The following TMEM86A variants were observed in gnomAD, a reference collection of about 807,000 sequenced individuals.
TMEM86A encodes the protein transmembrane protein 86A.
TMEM86A carries 13 observed loss-of-function variants against 19.8 expected under a neutral mutation model. That is an observed-to-expected ratio of 0.66 (90% CI 0.43 to 1.04). The LOEUF is 1.04. Ranked by LOEUF, TMEM86A falls within the 50% of genes least tolerant of loss-of-function variation. TMEM86A has a pLI of 0.00. For synonymous variants in TMEM86A, 128 were observed against 129.9 expected, an observed-to-expected ratio of 0.99 and a Z score of 0.10; for missense variants, 248 against 306.8, an observed-to-expected ratio of 0.81 and a Z score of 1.43.
chr11:18,698,925 C>A lies in TMEM86A; in HGVS notation c.21+18C>A. On this transcript the variant is annotated intron_variant, in intron 1 of 2. Coordinates refer to ENST00000280734, the MANE Select transcript of TMEM86A (RefSeq NM_153347.3). ...TCACTGTGGTGAGTGAGCGAGCGAG[C>A]GAGCCAGTGCCCGGCGCGGCTGGAG... is the stretch of plus-strand genomic sequence containing the variant. The A allele has an allele frequency of 1.6e-6, 1 of 618,688 alleles. No individual in the cohort carries two copies. The highest frequency in any genetic ancestry group is 2.9e-6 in the Non-Finnish European group (1 of 346,674). 38.3% of individuals were successfully genotyped at this position (618,688 alleles called of 1,614,324 possible). A position where few individuals can be genotyped will look rare whatever the true frequency, so the allele number is the denominator to read the frequency against.
Position 18,698,786 on chromosome 11 carries a change from G to T in TMEM86A, c.-101G>T. 1.6e-6 allele frequency: 1 copy of T among 637,120 alleles called. No homozygotes were observed. Among genetic ancestry groups the T allele is most frequent in the East Asian group, 3.4e-5 (1 of 29,810 alleles). 39.5% of individuals were successfully genotyped at this position (637,120 alleles called of 1,614,324 possible). A position where few individuals can be genotyped will look rare whatever the true frequency, so the allele number is the denominator to read the frequency against. On this transcript the variant is annotated 5_prime_UTR_variant, in exon 1 of 3. Coordinates refer to ENST00000280734, the MANE Select transcript of TMEM86A (RefSeq NM_153347.3). Reference sequence around the variant, plus strand: ...GCCGGGCGCTCGGGAGGTATTGTCCGTCCCTCCGGGCTTTGTAGAATCGTC... The same window carrying T: ...GCCGGGCGCTCGGGAGGTATTGTCCTTCCCTCCGGGCTTTGTAGAATCGTC...
At position 18,703,748 on chromosome 11, in the gene TMEM86A, CAG is replaced by C. The variant is rs1848172501; in HGVS notation, c.*1740_*1741del. ...GATGTGATTTAGGAGACTCAAGTCT[CAG>C]GGGTGGTTGGATGAGTCAGTGATTT... On this transcript the variant is annotated 3_prime_UTR_variant, in exon 3 of 3. Transcript: ENST00000280734. 6.6e-6 allele frequency: 1 copy of C among 152,166 alleles called. No homozygotes were observed. Among genetic ancestry groups the C allele is most frequent in the Admixed American group, 6.6e-5 (1 of 15,266 alleles). 9.4% of individuals were successfully genotyped at this position (152,166 alleles called of 1,614,324 possible).
chr11:18,700,561 GGT>G (rs1164138612), intron 1 of TMEM86A: 1 of 277,446 alleles, frequency 3.6e-6, no homozygotes, highest in Non-Finnish European at 6.9e-6. Context: ...GGCCAGTCAG[GGT>G]GTCTCTGTGG....
rs760978178 is a variant in TMEM86A at position 18,701,868 on chromosome 11, C to T, written c.582C>T (p.Ala194=). 3 of 1,614,052 alleles carry T rather than the reference C, an allele frequency of 1.9e-6. No homozygotes were observed. Among genetic ancestry groups the T allele is most frequent in the South Asian group, 1.1e-5 (1 of 91,092 alleles). Residue 194 remains alanine (A), a synonymous_variant, in exon 3 of 3, where the codon GCC becomes GCT. Coordinates refer to ENST00000280734, the MANE Select transcript of TMEM86A (RefSeq NM_153347.3). This position sits in a 1 kb window ranked among gnomAD's most constrained non-coding sequence, Gnocchi z 5.3. Reference sequence around the variant, plus strand: ...TTATCATCTCAGACCTGACCATCGCCCTCAACAAATTCTGTTTTCCTGTGC... The same window carrying T: ...TTATCATCTCAGACCTGACCATCGCTCTCAACAAATTCTGTTTTCCTGTGC... ...LFFIISDLTI[A]LNKFCFPVPY...
At position 18,701,793 on chromosome 11, in the gene TMEM86A, G is replaced by C. The variant is rs766350384; in HGVS notation, c.507G>C (p.Gly169=). Residue 169 remains glycine (G), a synonymous_variant, in exon 3 of 3, where the codon GGG becomes GGC. Transcript: ENST00000280734. This position sits in a 1 kb window ranked among gnomAD's most constrained non-coding sequence, Gnocchi z 5.3. ...WRAMAGLRLA[G]ADWRWTELAA... ...CTATGGCAGGGCTGCGGCTGGCCGG[G>C]GCAGACTGGCGCTGGACAGAGCTGG... is the stretch of plus-strand genomic sequence containing the variant. 3.1e-6 allele frequency: 5 copies of C among 1,614,030 alleles called. No homozygotes were observed. The African/African-American group carries it at 6.7e-5, about 22-fold the overall frequency.
chr11:18,701,826 C>A lies in TMEM86A; in HGVS notation c.540C>A (p.Gly180=). 6.2e-7 allele frequency: 1 copy of A among 1,614,128 alleles called. No homozygotes were observed. Among genetic ancestry groups the A allele is most frequent in the Admixed American group, 1.7e-5 (1 of 60,026 alleles). The part of the protein sequence containing the change: ...ADWRWTELAA[G]SGALFFIISD... Reference sequence around the variant, plus strand: ...GGCGCTGGACAGAGCTGGCAGCTGGCAGTGGTGCACTCTTCTTTATCATCT... The same window carrying A: ...GGCGCTGGACAGAGCTGGCAGCTGGAAGTGGTGCACTCTTCTTTATCATCT... The change falls in exon 3 of 3, where the codon GGC becomes GGA. Residue 180 remains glycine (G), a synonymous_variant. Coordinates refer to ENST00000280734, the MANE Select transcript of TMEM86A (RefSeq NM_153347.3). This position sits in a 1 kb window ranked among gnomAD's most constrained non-coding sequence, Gnocchi z 5.3.
chr11:18,700,999 C>T lies in TMEM86A; in HGVS notation c.88C>T (p.Leu30=). The T allele has an allele frequency of 1.9e-6, 3 of 1,614,212 alleles. No individual in the cohort carries two copies. The highest frequency in any genetic ancestry group is 2.2e-5 in the East Asian group (1 of 44,880). Residue 30 remains leucine, a synonymous_variant, in exon 2 of 3, where the codon CTG becomes TTG. Transcript: ENST00000280734. The part of the protein sequence containing the change: ...KATCVYFVLW[L]PSSSPSWVST... ...CACCTGCGTGTATTTTGTGCTCTGG[C>T]TGCCCTCATCTAGCCCATCGTGGGT...
At position 18,701,164 on chromosome 11, in the gene TMEM86A, C is replaced by T; in HGVS notation, c.253C>T (p.Leu85Phe). 1 of 1,613,924 alleles carries T rather than the reference C, an allele frequency of 6.2e-7. No homozygotes were observed. The highest frequency in any genetic ancestry group is 8.5e-7 in the Non-Finnish European group (1 of 1,180,028). ...CTTCTCTGCTGTAGGTGACGCCTTC[C>T]TCATCTGGCAGGACCAAGGATACTT... ...LVFSAVGDAF[L>F]IWQDQGYFVH... Residue 85 changes from leucine (L) to phenylalanine (F), a missense_variant, in exon 2 of 3, where the codon CTC becomes TTC. Leu to Phe is a conservative substitution (Grantham distance 22). Coordinates refer to ENST00000280734, the MANE Select transcript of TMEM86A (RefSeq NM_153347.3). The surrounding 1 kb of genome is among the most constrained non-coding windows in gnomAD (Gnocchi z 5.3).
At position 18,700,714 on chromosome 11, in the gene TMEM86A, C is replaced by G. The variant is rs1056728481; in HGVS notation, c.22-219C>G. On this transcript the variant is annotated intron_variant, in intron 1 of 2. Coordinates refer to ENST00000280734, the MANE Select transcript of TMEM86A (RefSeq NM_153347.3). ...CACTAGGCTGCAGAAGGGTGCCCCTCCTAATATACTGAGCCTCAGGGCAGT... is the reference window on the plus strand; with the variant it reads ...CACTAGGCTGCAGAAGGGTGCCCCTGCTAATATACTGAGCCTCAGGGCAGT... 25 of 622,364 alleles carry G rather than the reference C, an allele frequency of 4.0e-5. No homozygotes were observed. In the Admixed American group the frequency reaches 7.1e-4, roughly 18 times the overall value. 38.6% of individuals were successfully genotyped at this position (622,364 alleles called of 1,614,324 possible). A position where few individuals can be genotyped will look rare whatever the true frequency, so the allele number is the denominator to read the frequency against.
chr11:18,700,463 T>C (rs1020408), intron 1 of TMEM86A: 88,825 of 166,820 alleles, frequency 0.53, 24,355 homozygotes, highest in East Asian at 0.76. Context: ...GTGATTGCCA[T>C]TGCCTGCTTT....
rs1848171770 is a variant in TMEM86A at position 18,703,678 on chromosome 11, G to A, written c.*1669G>A. 4 of 152,392 alleles carry A rather than the reference G, an allele frequency of 2.6e-5. No homozygotes were observed. The South Asian group carries it at 6.2e-4, about 24-fold the overall frequency. The allele number at this position is 152,392 out of a possible 1,614,324, so 9.4% of individuals were successfully genotyped here. A position where few individuals can be genotyped will look rare whatever the true frequency, so the allele number is the denominator to read the frequency against. On this transcript the variant is annotated 3_prime_UTR_variant, in exon 3 of 3. Coordinates refer to ENST00000280734, the MANE Select transcript of TMEM86A (RefSeq NM_153347.3). ...CCAGAAGTAGAAAGGGAAGCCTTGG[G>A]TGGTGGTGGATATGCCATCAGTAGA...
rs1411070308 is a variant in TMEM86A, at chr11:18,699,897, G to C, written c.21+990G>C. On this transcript the variant is annotated intron_variant, in intron 1 of 2. Coordinates refer to ENST00000280734, the MANE Select transcript of TMEM86A (RefSeq NM_153347.3). This position sits in a 1 kb window ranked among gnomAD's most constrained non-coding sequence, Gnocchi z 4.0. ...CCTAGCCAGAGACACAATCGCTTTG[G>C]GCAGAGTGTGGGTGTACAGGGAACT... The C allele has an allele frequency of 1.3e-5, 2 of 152,334 alleles. No homozygotes were observed. Among genetic ancestry groups the C allele is most frequent in the Non-Finnish European group, 2.9e-5 (2 of 68,204 alleles). The allele number at this position is 152,334 out of a possible 1,614,324, so 9.4% of individuals were successfully genotyped here.
rs1848129583 is a variant in TMEM86A, at chr11:18,699,277, G to A, written c.21+370G>A. ...GACCACAGGGAGGCGTGGGGGCGGG[G>A]GATGCTGGGAGGATAACAGGGACCT... On this transcript the variant is annotated intron_variant, in intron 1 of 2. Transcript: ENST00000280734. This position sits in a 1 kb window ranked among gnomAD's most constrained non-coding sequence, Gnocchi z 4.0. 6.6e-6 allele frequency among the ~76,000 whole-genome samples: 1 copy of A among 152,246 alleles called. No individual in the cohort carries two copies. Among genetic ancestry groups the A allele is most frequent in the African/African-American group, 2.4e-5 (1 of 41,460 alleles).
chr11:18,700,602 G>T, intron 1 of TMEM86A: 1 of 394,004 alleles, frequency 2.5e-6, no homozygotes, highest in South Asian at 3.5e-5. Context: ...CCATTCCAGA[G>T]TGAACAGCTG....
Position 18,702,030 on chromosome 11 carries a change from C to T in TMEM86A, c.*21C>T. 1.9e-6 allele frequency: 3 copies of T among 1,596,944 alleles called. No individual in the cohort carries two copies. The highest frequency in any genetic ancestry group is 1.7e-6 in the Non-Finnish European group (2 of 1,176,526). ...ACTGAGGTGCCAGGGTCTGGTCACC[C>T]CTCTCTCCTCCTGGGGCTGGGGCCC... On this transcript the variant is annotated 3_prime_UTR_variant, in exon 3 of 3. Transcript: ENST00000280734.
rs1432478408 is a variant in TMEM86A, at chr11:18,702,953, G to A, written c.*944G>A. On this transcript the variant is annotated 3_prime_UTR_variant, in exon 3 of 3. Transcript: ENST00000280734. Reference sequence around the variant, plus strand: ...CCCCTCCAACACACATACTCACAGTGCTTTCCTCCTTGTCCCTCCTACACT... The same window carrying A: ...CCCCTCCAACACACATACTCACAGTACTTTCCTCCTTGTCCCTCCTACACT... The A allele has an allele frequency of 6.5e-6, 1 of 152,770 alleles. No homozygotes were observed. The highest frequency in any genetic ancestry group is 1.9e-4 in the East Asian group (1 of 5,204). The allele number at this position is 152,770 out of a possible 1,614,324, so 9.5% of individuals were successfully genotyped here. A position where few individuals can be genotyped will look rare whatever the true frequency, so the allele number is the denominator to read the frequency against.
Position 18,701,191 on chromosome 11 carries a change from G to C in TMEM86A, c.280G>C (p.Val94Leu). ...CATCTGGCAGGACCAAGGATACTTC[G>C]TGCATGGTCAGTGGCCATAGTAGTT... is the stretch of plus-strand genomic sequence containing the variant. Reference protein sequence around the residue: ...FLIWQDQGYFVHGLLMFAVTH... With the variant: ...FLIWQDQGYFLHGLLMFAVTH... The change falls in exon 2 of 3, where the codon GTG becomes CTG. Residue 94 changes from valine to leucine, a missense_variant. Val to Leu is a conservative substitution (Grantham distance 32). Transcript: ENST00000280734. This position sits in a 1 kb window ranked among gnomAD's most constrained non-coding sequence, Gnocchi z 5.3. The C allele has an allele frequency of 6.2e-7, 1 of 1,613,418 alleles. No homozygotes were observed. The highest frequency in any genetic ancestry group is 8.5e-7 in the Non-Finnish European group (1 of 1,179,848).
Position 18,702,185 on chromosome 11 carries a change from G to C in TMEM86A, c.*176G>C, listed in dbSNP as rs144959681. On this transcript the variant is annotated 3_prime_UTR_variant, in exon 3 of 3. Coordinates refer to ENST00000280734, the MANE Select transcript of TMEM86A (RefSeq NM_153347.3). ...AAGGATCTCCCTAGCAGAACTCGTGGTTCAGGACAATGCTGAGAGCTAAAA... is the reference window on the plus strand; with the variant it reads ...AAGGATCTCCCTAGCAGAACTCGTGCTTCAGGACAATGCTGAGAGCTAAAA... 2.3e-3 allele frequency: 1,513 copies of C among 658,656 alleles called. 17 individuals carry two copies. The highest frequency in any genetic ancestry group is 0.022 in the African/African-American group (1,206 of 55,004). The allele number at this position is 658,656 out of a possible 1,614,324, so 40.8% of individuals were successfully genotyped here. A position where few individuals can be genotyped will look rare whatever the true frequency, so the allele number is the denominator to read the frequency against.
rs1158122572 is a variant in TMEM86A at position 18,704,634 on chromosome 11, G to A, written c.*2625G>A. 9.2e-6 allele frequency: 7 copies of A among 758,700 alleles called. No homozygotes were observed. Among genetic ancestry groups the A allele is most frequent in the Non-Finnish European group, 1.6e-5 (7 of 442,422 alleles). 47.0% of individuals were successfully genotyped at this position (758,700 alleles called of 1,614,324 possible). ...TTCCTATGCAGGAAACCAGGAGCTG[G>A]ACCCTGGGACCCTTAATCTTGGGTT... On this transcript the variant is annotated 3_prime_UTR_variant, in exon 3 of 3. Transcript: ENST00000280734.
Sources: allele counts gnomAD v4.1 joint callset (sites outside exome capture counted in the v4.1 genomes callset), GRCh38; gene constraint gnomAD v4.1.1; non-coding constraint Gnocchi (gnomAD v3.1); transcripts MANE v1.5; gene names NCBI Gene and HGNC (gene_info 2026-07-23, HGNC 2026-07-21).